Variants in PIEZO1 observed in about 807,000 individuals in gnomAD.
PIEZO1 encodes piezo-type mechanosensitive ion channel component 1.
PIEZO1 carries 296 observed loss-of-function variants against 297.2 expected under a neutral mutation model. That is an observed-to-expected ratio of 1.00 (90% CI 0.91 to 1.10). PIEZO1 has a LOEUF of 1.10. PIEZO1 is among the 50% of genes least tolerant of loss of function. The pLI is 0.00. For missense variants in PIEZO1, 5,018 were observed against 3,455.5 expected, an observed-to-expected ratio of 1.45 and a Z score of -11.34; for synonymous variants, 2,427 against 1,507.5, an observed-to-expected ratio of 1.61 and a Z score of -14.13.
rs748507183 is a variant in PIEZO1 at position 88,721,882 on chromosome 16, C to T, written c.5140G>A (p.Val1714Ile). ...SAGSLVLPVLVFLWAMLSIPR... is the reference protein window; with the variant it reads ...SAGSLVLPVLIFLWAMLSIPR... ...ATCGACAGCATGGCCCACAGGAAGACGAGCACGGGCAGCACCAGCGAGCCG... is the reference window on the plus strand; with the variant it reads ...ATCGACAGCATGGCCCACAGGAAGATGAGCACGGGCAGCACCAGCGAGCCG... Residue 1714 changes from valine (V) to isoleucine (I), a missense_variant, in exon 37 of 51, where the codon GTC becomes ATC. Transcript: ENST00000301015. 2.0e-5 allele frequency: 31 copies of T among 1,549,904 alleles called. No homozygotes were observed. In the African/African-American group the frequency reaches 2.1e-4, roughly 10 times the overall value.
chr16:88,718,876 G>C (rs903725755), intron 44 of PIEZO1: 1 of 151,150 alleles, frequency 6.6e-6, no homozygotes, highest in Non-Finnish European at 1.5e-5. Context: ...CCCAGCTAAC[G>C]TTTATTTTTT....
chr16:88,784,877 CCCAGGCGCCCG>C lies in PIEZO1; in HGVS notation c.64+13_64+23del. 7.0e-7 allele frequency: 1 copy of C among 1,425,832 alleles called. No individual in the cohort carries two copies. The highest frequency in any genetic ancestry group is 9.2e-7 in the Non-Finnish European group (1 of 1,083,530). 88.3% of individuals were successfully genotyped at this position (1,425,832 alleles called of 1,614,324 possible). A position where few individuals can be genotyped will look rare whatever the true frequency, so the allele number is the denominator to read the frequency against. ...CGAGACGCAGCCCCCTCCCGTCGCC[CCCAGGCGCCCG>C]CCCCCCACTCACCAGCCAGCAGCGC... On this transcript the variant is annotated intron_variant, in intron 1 of 50. Transcript: ENST00000301015.
At chr16:88,736,601 A>C in intron 11 of PIEZO1, 38 bp downstream of exon 11, 1 of 1,500,612 alleles carries the variant, frequency 6.7e-7, no homozygotes, top group Admixed American at 2.1e-5. Flanking sequence ...CCTGCGCGGC[A>C]GAGGGGGCCG....
At position 88,716,016 on chromosome 16, in the gene PIEZO1, G is replaced by A; in HGVS notation, c.7233C>T (p.Cys2411=). ...LEWWVIELQE[C]RTDCNLLPMV... ...TGGGCAGCAGGTTGCAGTCGGTCCGGCACTCCTGCAGCTCGATGACCCACC... is the reference window on the plus strand; with the variant it reads ...TGGGCAGCAGGTTGCAGTCGGTCCGACACTCCTGCAGCTCGATGACCCACC... The change falls in exon 50 of 51, where the codon TGC becomes TGT. Residue 2411 remains cysteine, a synonymous_variant. Transcript: ENST00000301015. 1 of 1,550,218 alleles carries A rather than the reference G, an allele frequency of 6.5e-7. No homozygotes were observed. Among genetic ancestry groups the A allele is most frequent in the Non-Finnish European group, 8.7e-7 (1 of 1,146,928 alleles).
At chr16:88,740,202 CG>C (rs1284616283) in intron 5 of PIEZO1, 1 of 152,276 alleles carries the variant, frequency 6.6e-6, no homozygotes, top group Non-Finnish European at 1.5e-5. Context: ...GAGTGAGGGT[CG>C]CCCGGGGGCC....
At chr16:88,735,496 C>T (rs752281307) in intron 12 of PIEZO1, among the ~76,000 whole-genome samples, 25 of 152,404 alleles carry the variant, frequency 1.6e-4, no homozygotes, top group South Asian at 8.3e-4. Flanking sequence ...GAGTCACACA[C>T]GGGTTCACTA....
intron 22 of PIEZO1, chr16:88,727,890 G>A (rs1056414642): frequency 5.5e-6 from 2 of 361,186 alleles, no homozygotes; most frequent in African/African-American, 2.1e-5. Context: ...TGAGCAGGAG[G>A]CCAGAGAGCA....
intron 1 of PIEZO1, among the ~76,000 whole-genome samples, chr16:88,780,087 C>T (rs1907861298): frequency 6.6e-6 from 1 of 152,156 alleles, no homozygotes; most frequent in African/African-American, 2.4e-5. Flanking sequence ...TCGGCTGCTG[C>T]CCACGAGCCG....
intron 1 of PIEZO1, among the ~76,000 whole-genome samples, chr16:88,766,499 C>G (rs1907187312): frequency 6.6e-6 from 1 of 152,216 alleles, no homozygotes; most frequent in South Asian, 2.1e-4. Flanking sequence ...CCTGGGGACC[C>G]CGAGTTCCTG....
chr16:88,742,244 G>A (rs1323462540), intron 3 of PIEZO1, 56 bp downstream of exon 3: 8 of 1,513,174 alleles, frequency 5.3e-6, no homozygotes, highest in Non-Finnish European at 6.2e-6. Flanking sequence ...TCACTGCAGG[G>A]CCCTCTCCCT....
intron 1 of PIEZO1, among the ~76,000 whole-genome samples, chr16:88,776,650 G>A (rs1907679085): frequency 6.6e-6 from 1 of 152,226 alleles, no homozygotes; most frequent in Admixed American, 6.5e-5. Context: ...AACACAGGAG[G>A]GAACTGGGGG....
chr16:88,722,279 C>CA lies in PIEZO1; in HGVS notation c.4893dup (p.Glu1632Ter). ...CCCTGGTACAGAGAGGCACCAGCCT[C>CA]ACGCTCCCCGGGGTCGGTGACTGCC... is the stretch of plus-strand genomic sequence containing the variant. On this transcript the variant is annotated frameshift_variant, in exon 36 of 51. Coordinates refer to ENST00000301015, the MANE Select transcript of PIEZO1 (RefSeq NM_001142864.4). LOFTEE classifies it high-confidence loss of function. The CA allele has an allele frequency of 6.5e-7, 1 of 1,548,588 alleles. No homozygotes were observed. Among genetic ancestry groups the CA allele is most frequent in the Non-Finnish European group, 8.7e-7 (1 of 1,146,818 alleles).
chr16:88,734,580 A>G (rs766101007), intron 15 of PIEZO1, 42 bp from the exon 16 acceptor site: 5 of 1,545,984 alleles, frequency 3.2e-6, no homozygotes, highest in Non-Finnish European at 3.5e-6. Context: ...CCCCCGGCAG[A>G]GCCGCTGCAG....
chr16:88,756,384 C>T (rs1018433491), intron 1 of PIEZO1, among the ~76,000 whole-genome samples: 6 of 152,122 alleles, frequency 3.9e-5, no homozygotes, highest in African/African-American at 9.7e-5. Context: ...ACTGATGGGG[C>T]GGGGTGGGCT....
In PIEZO1 at chr16:88,727,670, A is replaced by C; in HGVS notation, c.3197-9T>G. The C allele has an allele frequency of 1.4e-6, 2 of 1,410,076 alleles. No homozygotes were observed. Among genetic ancestry groups the C allele is most frequent in the Non-Finnish European group, 1.9e-6 (2 of 1,053,080 alleles). The allele number at this position is 1,410,076 out of a possible 1,614,324, so 87.3% of individuals were successfully genotyped here. On this transcript the variant is annotated splice_polypyrimidine_tract_variant and intron_variant, in intron 22 of 50. Coordinates refer to ENST00000301015, the MANE Select transcript of PIEZO1 (RefSeq NM_001142864.4). ...CCAGCGCCAGGGATAATCTGGGGGA[A>C]GGGGTGTCATGTCAGGAAGGGCCGG...
chr16:88,774,053 C>T (rs555773816), intron 1 of PIEZO1, among the ~76,000 whole-genome samples: 26 of 152,278 alleles, frequency 1.7e-4, no homozygotes, highest in African/African-American at 6.0e-4. Context: ...GTTCTGTGCC[C>T]GGCGATAAGG....
At chr16:88,722,490 T>G in intron 35 of PIEZO1, 93 bp from the exon 36 acceptor site, 1 of 1,434,962 alleles carries the variant, frequency 7.0e-7, no homozygotes, top group Non-Finnish European at 9.3e-7. Context: ...CACGGTCCTT[T>G]GGGGTACAAG....
chr16:88,774,139 C>G (rs1450884839), intron 1 of PIEZO1, among the ~76,000 whole-genome samples: 3 of 152,192 alleles, frequency 2.0e-5, no homozygotes, highest in African/African-American at 7.2e-5. Flanking sequence ...AGCTTCTAAG[C>G]GCATGACTGT....
intron 44 of PIEZO1, chr16:88,717,414 C>G (rs574599789): frequency 1.1e-5 from 7 of 647,072 alleles, no homozygotes; most frequent in Non-Finnish European, 2.0e-5. Flanking sequence ...GGTCGTTGAT[C>G]TTAGACAAGG....
Sources: allele counts gnomAD v4.1 joint callset (sites outside exome capture counted in the v4.1 genomes callset), GRCh38; gene constraint gnomAD v4.1.1; transcripts MANE v1.5; gene names NCBI Gene and HGNC (gene_info 2026-07-23, HGNC 2026-07-21).